Variants in PSPC1 observed in about 807,000 individuals in gnomAD.
PSPC1 encodes the protein paraspeckle component 1.
In PSPC1, 14 loss-of-function variants were observed where a neutral mutation model predicts 51.6. That is an observed-to-expected ratio of 0.27 (90% CI 0.18 to 0.42). The LOEUF (loss-of-function observed/expected upper bound fraction) is 0.42, where lower values mean the gene tolerates loss of function less well. Among genes scored for constraint, PSPC1 ranks in the 10% least tolerant of loss-of-function variants. The probability of loss-of-function intolerance (pLI) is 1.00; values close to 1 mark genes in which losing one functional copy is unlikely to be tolerated. For synonymous variants in PSPC1, 193 were observed against 231.9 expected (o/e 0.83, Z 1.53); for missense variants, 406 against 701.1 (o/e 0.58, Z 4.75).
chr13:19,685,630 TCAC>T (rs915586696), intron 6 of PSPC1, among the ~76,000 whole-genome samples: 12 of 152,114 alleles, frequency 7.9e-5, no homozygotes, highest in African/African-American at 2.7e-4. Flanking sequence ...TAGTGCACAA[TCAC>T]CACTAGTGCA....
At chr13:19,732,470 G>A (rs941475652) in intron 5 of PSPC1, among the ~76,000 whole-genome samples, 4 of 152,142 alleles carry the variant, frequency 2.6e-5, no homozygotes, top group Non-Finnish European at 5.9e-5. Flanking sequence ...TATATGCTCA[G>A]TGGGATCTGG....
At chr13:19,768,170 A>T (rs1888250108) in intron 2 of PSPC1, among the ~76,000 whole-genome samples, 1 of 152,048 alleles carries the variant, frequency 6.6e-6, no homozygotes, top group South Asian at 2.1e-4. Context: ...GGCTGCAGTG[A>T]GCCGAGATCA....
At chr13:19,734,745 T>C in intron 5 of PSPC1, among the ~76,000 whole-genome samples, 1 of 151,594 alleles carries the variant, frequency 6.6e-6, no homozygotes, top group East Asian at 1.9e-4. Context: ...GAGGTTACAG[T>C]GAGTCAAGAT....
At chr13:19,693,188 C>T (rs766818119) in intron 6 of PSPC1, among the ~76,000 whole-genome samples, 8 of 152,146 alleles carry the variant, frequency 5.3e-5, no homozygotes, top group Non-Finnish European at 8.8e-5. Flanking sequence ...CTTACCCTCT[C>T]GTGCAAAAAG....
rs534133605 is a variant in PSPC1, at chr13:19,691,061, T to C, written c.1159-13238A>G. Among the ~76,000 whole-genome samples, 9 of 152,366 alleles carry C rather than the reference T, an allele frequency of 5.9e-5. No individual in the cohort carries two copies. In the East Asian group the frequency reaches 1.7e-3, roughly 29 times the overall value. On this transcript the variant is annotated intron_variant and NMD_transcript_variant, in intron 6 of 7. Transcript: ENST00000471658. The stretch of plus-strand genomic sequence containing the variant: ...GACAAAAATGTTCAATAAAAATTTA[T>C]TGAATGAATAAACAATCTGCAATAC...
At chr13:19,769,249 C>T (rs370186959) in intron 2 of PSPC1, among the ~76,000 whole-genome samples, 3 of 149,688 alleles carry the variant, frequency 2.0e-5, no homozygotes, top group Admixed American at 2.0e-4. Flanking sequence ...ACCACCCTCA[C>T]CAACACGTAG....
chr13:19,707,867 A>T (rs1880901838), intron 7 of PSPC1, among the ~76,000 whole-genome samples: 2 of 152,272 alleles, frequency 1.3e-5, no homozygotes, highest in Admixed American at 6.5e-5. Context: ...CCTTATTCCT[A>T]AAATCCTTAA....
intron 6 of PSPC1, among the ~76,000 whole-genome samples, chr13:19,687,462 T>C (rs941831353): frequency 6.6e-6 from 1 of 152,200 alleles, no homozygotes; most frequent in Non-Finnish European, 1.5e-5. Flanking sequence ...ATATTTTCAT[T>C]TGTCAATTGT....
chr13:19,721,257 TTC>T (rs59956562), intron 6 of PSPC1, among the ~76,000 whole-genome samples: 15,245 of 152,168 alleles, frequency 0.1, 866 homozygotes, highest in African/African-American at 0.16. Context: ...TCTGAGGATC[TTC>T]TGTTACTAAT....
intron 7 of PSPC1, among the ~76,000 whole-genome samples, chr13:19,708,651 A>G (rs950151624): frequency 4.6e-5 from 7 of 152,212 alleles, no homozygotes; most frequent in Non-Finnish European, 8.8e-5. Flanking sequence ...GGCGACACAC[A>G]TAATTCCCTT....
downstream of PSPC1, among the ~76,000 whole-genome samples, chr13:19,699,852 T>G (rs1341341276): frequency 6.6e-6 from 1 of 152,004 alleles, no homozygotes; most frequent in Non-Finnish European, 1.5e-5. Context: ...TTTATATCAC[T>G]GCTATCCTCT....
At chr13:19,744,528 C>T (rs11618459) in intron 4 of PSPC1, among the ~76,000 whole-genome samples, 14,509 of 152,138 alleles carry the variant, frequency 0.095, 1,011 homozygotes, top group Non-Finnish European at 0.14. Flanking sequence ...GGGGAAAAAA[C>T]TGTAAAAAGT....
chr13:19,723,536 T>C lies in PSPC1; in HGVS notation c.1158+6703A>G, dbSNP rs373856850. Among the ~76,000 whole-genome samples, 18 of 152,330 alleles carry C rather than the reference T, an allele frequency of 1.2e-4. No homozygotes were observed. The South Asian group carries it at 3.7e-3, about 32-fold the overall frequency. ...ATGCATGTTCATTTGTCCCAGTTTG[T>C]ATGAAAAATTCTACGGTTTCCCACA... On this transcript the variant is annotated intron_variant, in intron 6 of 8. Coordinates refer to ENST00000338910, the MANE Select transcript of PSPC1 (RefSeq NM_001354909.2).
intron 6 of PSPC1, among the ~76,000 whole-genome samples, chr13:19,715,166 C>T (rs9551987): frequency 0.11 from 16,375 of 152,178 alleles, 1,020 homozygotes; most frequent in Middle Eastern, 0.14. Context: ...TTGATATAAT[C>T]CTTTAGCAGG....
chr13:19,740,298 G>A (rs1278078305), intron 5 of PSPC1, among the ~76,000 whole-genome samples: 3 of 151,628 alleles, frequency 2.0e-5, no homozygotes, highest in African/African-American at 7.3e-5. Context: ...AGCCGAGATC[G>A]CGCCATTGCA....
chr13:19,699,918 C>A (rs1050922347), downstream of PSPC1, among the ~76,000 whole-genome samples: 1 of 151,932 alleles, frequency 6.6e-6, no homozygotes, highest in African/African-American at 2.4e-5. Context: ...CTCTGAACAC[C>A]TACAGAAAAC....
intron 1 of PSPC1, among the ~76,000 whole-genome samples, chr13:19,780,335 G>A (rs1193843074): frequency 5.1e-5 from 6 of 117,382 alleles, no homozygotes; most frequent in Non-Finnish European, 1.1e-4. Context: ...TTGAGAACGG[G>A]CCAGGATGAC....
chr13:19,699,131 T>G (rs1413006489), downstream of PSPC1, among the ~76,000 whole-genome samples: 3 of 151,920 alleles, frequency 2.0e-5, no homozygotes, highest in African/African-American at 7.2e-5. Flanking sequence ...TATTCCATAA[T>G]CAAGGAAACA....
intron 2 of PSPC1, among the ~76,000 whole-genome samples, chr13:19,770,907 AC>A (rs1566051385): frequency 3.3e-5 from 5 of 151,454 alleles, no homozygotes; most frequent in South Asian, 4.2e-4. Context: ...AAAAAAAAAA[AC>A]AAACAAAAAA....
Sources: gnomAD v4.1 joint callset for allele counts (sites outside exome capture counted in the v4.1 genomes callset) on GRCh38, gnomAD v4.1.1 for gene constraint, MANE v1.5 for transcripts, NCBI Gene and HGNC (gene_info 2026-07-23, HGNC 2026-07-21) for gene names.